MYLK: variants seen among roughly 807,000 people sequenced by gnomAD.
MYLK encodes myosin light chain kinase, smooth muscle.
MYLK carries 106 observed loss-of-function variants against 203.4 expected under a neutral mutation model. That is an observed-to-expected ratio of 0.52 (90% CI 0.45 to 0.61). The LOEUF (loss-of-function observed/expected upper bound fraction) is 0.61. MYLK is among the 20% of genes least tolerant of loss of function. The pLI, the probability that MYLK is intolerant of heterozygous loss-of-function variation, is 0.00. For missense variants in MYLK, 2,072 were observed against 2,442.3 expected, an observed-to-expected ratio of 0.85 and a Z score of 3.20; for synonymous variants, 867 against 959.5, an observed-to-expected ratio of 0.90 and a Z score of 1.78.
rs1311517634 is a variant in MYLK, at chr3:123,884,302, C to A, written c.-282G>T. 2.1e-5 allele frequency: 3 copies of A among 145,950 alleles called. No individual in the cohort carries two copies. Among genetic ancestry groups the A allele is most frequent in the African/African-American group, 7.5e-5 (3 of 39,926 alleles). The allele number at this position is 145,950 out of a possible 1,614,324, so 9.0% of individuals were successfully genotyped here. On this transcript the variant is annotated 5_prime_UTR_variant, in exon 1 of 34. Coordinates refer to ENST00000360304, the MANE Select transcript of MYLK (RefSeq NM_053025.4). ...CGCGGGCTCCGAGCTCGCTCAGCGCCCTGCTGCCGACCGGGCGGCGCGGGG... is the reference window on the plus strand; with the variant it reads ...CGCGGGCTCCGAGCTCGCTCAGCGCACTGCTGCCGACCGGGCGGCGCGGGG...
chr3:123,746,610 C>G (rs2063024701), intron 5 of MYLK, among the ~76,000 whole-genome samples: 2 of 152,212 alleles, frequency 1.3e-5, no homozygotes, highest in Admixed American at 1.3e-4. Flanking sequence ...GACCAAGTAA[C>G]TTTCCAGCTA....
intron 3 of MYLK, among the ~76,000 whole-genome samples, chr3:123,794,083 C>T (rs1576996769): frequency 6.6e-6 from 1 of 152,244 alleles, no homozygotes; most frequent in Admixed American, 6.5e-5. Context: ...AGGGCGATGC[C>T]CTGCCTCCTC....
chr3:123,614,398 T>G, intron 33 of MYLK, 49 bp from the exon 34 acceptor site: 1 of 1,612,478 alleles, frequency 6.2e-7, no homozygotes, highest in Non-Finnish European at 8.5e-7. Context: ...TATTCAAAAT[T>G]TCTTATCAAC....
chr3:123,725,852 G>C, intron 12 of MYLK, 92 bp downstream of exon 12: 1 of 1,529,656 alleles, frequency 6.5e-7, no homozygotes, highest in South Asian at 1.3e-5. Flanking sequence ...GGATGTCCAA[G>C]GCATAAATGG....
intron 4 of MYLK, among the ~76,000 whole-genome samples, chr3:123,778,285 T>C (rs1332873710): frequency 6.6e-6 from 1 of 152,040 alleles, no homozygotes; most frequent in Non-Finnish European, 1.5e-5. Context: ...AGGGGATTCC[T>C]CGGGAGGGTG....
At chr3:123,749,096 T>TACAC (rs1331294300) in intron 5 of MYLK, among the ~76,000 whole-genome samples, 2 of 150,858 alleles carry the variant, frequency 1.3e-5, no homozygotes, top group African/African-American at 2.4e-5. Context: ...CATACATACA[T>TACAC]ACATACATAC....
At chr3:123,727,984 A>C (rs555513613) in intron 11 of MYLK, among the ~76,000 whole-genome samples, 1 of 152,220 alleles carries the variant, frequency 6.6e-6, no homozygotes, top group Non-Finnish European at 1.5e-5. Flanking sequence ...TTCATGGTAA[A>C]CTCATCTGCC....
At chr3:123,731,990 CTT>C (rs59910858) in intron 11 of MYLK, among the ~76,000 whole-genome samples, 104,282 of 124,990 alleles carry the variant, frequency 0.83, 43,583 homozygotes, top group Non-Finnish European at 0.92. Flanking sequence ...TATAGGTTGT[CTT>C]TTTTTTTTTT....
In MYLK at chr3:123,666,328, A is replaced by T. The variant is rs1431207683; in HGVS notation, c.3722T>A (p.Ile1241Asn). ...TACCTTCTGGTCCTCAGGGAACTGG[A>T]TGATCTGAGGGGGCATTGCTGAGGG... Reference protein sequence around the residue: ...PPKAAMPPQIIQFPEDQKVRA... With the variant: ...PPKAAMPPQINQFPEDQKVRA... Residue 1241 changes from isoleucine to asparagine, a missense_variant, in exon 22 of 34, where the codon ATC (isoleucine) becomes AAC (asparagine). Transcript: ENST00000360304. The T allele has an allele frequency of 6.2e-7, 1 of 1,614,168 alleles. No homozygotes were observed. The highest frequency in any genetic ancestry group is 8.5e-7 in the Non-Finnish European group (1 of 1,180,030).
chr3:123,727,579 C>A (rs72970868), intron 11 of MYLK, among the ~76,000 whole-genome samples: 11,006 of 152,138 alleles, frequency 0.072, 1,282 homozygotes, highest in African/African-American at 0.24. Context: ...CAGCATAGCA[C>A]ATCCTCAGTG....
chr3:123,649,197 G>GT lies in MYLK; in HGVS notation c.4289-4_4289-3insA, dbSNP rs1384459607. ...CACCTCCACTTCATCCTTCGGCTCT[G>GT]GGGGGGGCACAAGGAAGGACAGAGA... On this transcript the variant is annotated splice_polypyrimidine_tract_variant and splice_region_variant and intron_variant, in intron 24 of 33. Transcript: ENST00000360304. 4.4e-6 allele frequency: 7 copies of GT among 1,592,100 alleles called. No homozygotes were observed. In the African/African-American group the frequency reaches 8.4e-5, roughly 19 times the overall value.
intron 15 of MYLK, 58 bp downstream of exon 15, chr3:123,708,640 T>C: frequency 1.3e-6 from 2 of 1,598,984 alleles, no homozygotes; most frequent in Non-Finnish European, 1.7e-6. Flanking sequence ...TCCAAATCAC[T>C]TTTGGAGGGG....
chr3:123,809,807 C>T (rs1436094219), intron 3 of MYLK, among the ~76,000 whole-genome samples: 2 of 152,164 alleles, frequency 1.3e-5, no homozygotes, highest in Admixed American at 6.5e-5. Flanking sequence ...AGGACGTACA[C>T]GCAGTAGCCA....
rs1013207337 is a variant in MYLK, at chr3:123,802,152, T to C, written c.-3-8308A>G. Among the ~76,000 whole-genome samples the C allele has an allele frequency of 5.3e-5, 8 of 152,380 alleles. No homozygotes were observed. In the South Asian group the frequency reaches 1.7e-3, roughly 32 times the overall value. ...ACTGATGTCAGATGGTACCTCATGA[T>C]AGTTCTGATTTGCATCCTTTCTACT... On this transcript the variant is annotated intron_variant, in intron 3 of 33. Transcript: ENST00000360304.
chr3:123,867,300 A>G (rs773799983), intron 2 of MYLK, among the ~76,000 whole-genome samples: 3 of 152,064 alleles, frequency 2.0e-5, no homozygotes, highest in Non-Finnish European at 4.4e-5. Context: ...ATCTTATTGA[A>G]GTCCTAACCT....
At chr3:123,803,997 AT>A (rs1481346922) in intron 3 of MYLK, among the ~76,000 whole-genome samples, 2 of 152,254 alleles carry the variant, frequency 1.3e-5, no homozygotes, top group Non-Finnish European at 2.9e-5. Context: ...GTTGCCATGT[AT>A]TTAGCACTTA....
intron 19 of MYLK, among the ~76,000 whole-genome samples, chr3:123,683,748 C>T (rs73860113): frequency 8.6e-4 from 131 of 152,250 alleles, no homozygotes; most frequent in African/African-American, 3.1e-3. Context: ...CCAAAGACAG[C>T]CGAAAGCCCT....
intron 12 of MYLK, 117 bp from the exon 13 acceptor site, chr3:123,722,397 T>A: frequency 8.8e-7 from 1 of 1,139,426 alleles, no homozygotes. Context: ...CTTGCTCAGA[T>A]CCACTGAGGG....
At chr3:123,752,644 T>A (rs1233761784) in intron 4 of MYLK, 106 bp from the exon 5 acceptor site, 1 of 1,084,006 alleles carries the variant, frequency 9.2e-7, no homozygotes, top group East Asian at 2.6e-5. Context: ...TTAATCCTCA[T>A]AACGCCCCCA....
Sources: gnomAD v4.1 joint callset for allele counts (sites outside exome capture counted in the v4.1 genomes callset) on GRCh38, gnomAD v4.1.1 for gene constraint, MANE v1.5 for transcripts, NCBI Gene and HGNC (gene_info 2026-07-23, HGNC 2026-07-21) for gene names.